The following LARP1B variants were observed in gnomAD, a reference collection of about 807,000 sequenced individuals.
LARP1B encodes the protein La ribonucleoprotein 1B, also known as la-related protein 1B.
A neutral mutation model predicts 114.2 loss-of-function variants in LARP1B; 76 were observed. That is an observed-to-expected ratio of 0.67 (90% CI 0.55 to 0.81). The LOEUF is 0.81. Ranked by LOEUF, LARP1B falls within the 30% of genes least tolerant of loss-of-function variation. LARP1B has a pLI of 0.00. For missense variants in LARP1B, 1,014 were observed against 1,075.8 expected, an observed-to-expected ratio of 0.94 and a Z score of 0.80; for synonymous variants, 345 against 348.0, an observed-to-expected ratio of 0.99 and a Z score of 0.10.
intron 18 of LARP1B, 94 bp downstream of exon 18, chr4:128,206,631 A>G (rs1476525572): frequency 4.7e-6 from 7 of 1,478,290 alleles, no homozygotes; most frequent in Non-Finnish European, 6.3e-6. Flanking sequence ...TTTTTTCTTC[A>G]GGGCAAACCA....
Position 128,080,484 on chromosome 4 carries a change from A to G in LARP1B, c.218-1681A>G, listed in dbSNP as rs150291214. Among the ~76,000 whole-genome samples, 125 of 152,194 alleles carry G rather than the reference A, an allele frequency of 8.2e-4. No individual in the cohort carries two copies. The Middle Eastern group carries it at 0.01, about 12-fold the overall frequency. ...ATTAAAAGCCTTTTTAGATGCATTT[A>G]TATTCACTTTTCCTCATTTGATCCA... On this transcript the variant is annotated intron_variant, in intron 4 of 19. Coordinates refer to ENST00000326639, the MANE Select transcript of LARP1B (RefSeq NM_018078.4).
At chr4:128,179,262 G>T in intron 14 of LARP1B, 144 bp from the exon 15 acceptor site, 1 of 459,976 alleles carries the variant, frequency 2.2e-6, no homozygotes, top group Non-Finnish European at 3.8e-6. Flanking sequence ...TGAGATTTTT[G>T]AGTTTTGTGA....
chr4:128,111,639 G>A (rs1784145310), intron 9 of LARP1B, among the ~76,000 whole-genome samples: 1 of 152,052 alleles, frequency 6.6e-6, no homozygotes, highest in Non-Finnish European at 1.5e-5. Context: ...GGAGTTTGAG[G>A]CTGTAGTGAG....
rs1755273234 is a variant in LARP1B at position 128,199,551 on chromosome 4, G to A, written c.2116G>A (p.Gly706Ser). The A allele has an allele frequency of 6.3e-7, 1 of 1,598,084 alleles. No homozygotes were observed. The highest frequency in any genetic ancestry group is 8.5e-7 in the Non-Finnish European group (1 of 1,171,444). ...HPSHELLKEN[G>S]FTQQVYHKYR... ...TTCTCATGAACTTTTGAAGGAAAAT[G>A]GCTTTACCCAACAAGTGTACCACAA... The change falls in exon 16 of 20, where the codon GGC (glycine) becomes AGC (serine). Residue 706 changes from glycine to serine, a missense_variant. Physicochemically the swap from Gly to Ser is moderately conservative, Grantham distance 56. Coordinates refer to ENST00000326639, the MANE Select transcript of LARP1B (RefSeq NM_018078.4).
At chr4:128,173,738 C>G (rs1561490140) in intron 12 of LARP1B, among the ~76,000 whole-genome samples, 1 of 152,190 alleles carries the variant, frequency 6.6e-6, no homozygotes, top group Admixed American at 6.5e-5. Flanking sequence ...ACATTTCTAA[C>G]AAGTTCCCAA....
intron 11 of LARP1B, among the ~76,000 whole-genome samples, chr4:128,143,796 G>GGTGTGT (rs72408437): frequency 1.6e-4 from 23 of 147,932 alleles, no homozygotes; most frequent in East Asian, 1.2e-3. Context: ...TAAGGCACAG[G>GGTGTGT]GTGTGTGTGT....
rs992424709 is a variant in LARP1B at position 128,137,795 on chromosome 4, T to A, written c.1524+15607T>A. On this transcript the variant is annotated intron_variant, in intron 11 of 19. Coordinates refer to ENST00000326639, the MANE Select transcript of LARP1B (RefSeq NM_018078.4). ...CATATATATATATATATATATATTT[T>A]TTTTTTAGGGGGGTTGGTGACAGAG... 9.9e-5 allele frequency among the ~76,000 whole-genome samples: 13 copies of A among 130,958 alleles called. No homozygotes were observed. The South Asian group carries it at 1.8e-3, about 18-fold the overall frequency. The allele number at this position is 130,958 out of a possible 152,430, so 85.9% of individuals were successfully genotyped here.
chr4:128,082,482 A>G (rs1770882367), intron 5 of LARP1B, among the ~76,000 whole-genome samples, 177 bp downstream of exon 5: 1 of 152,248 alleles, frequency 6.6e-6, no homozygotes. Context: ...TGCAATTAAC[A>G]ACAATGAAAC....
chr4:128,144,911 A>G (rs1355817829), intron 11 of LARP1B, among the ~76,000 whole-genome samples: 1 of 152,188 alleles, frequency 6.6e-6, no homozygotes. Context: ...GACATTTGAC[A>G]TTTGAGAGAT....
chr4:128,173,371 C>A (rs1425699463), intron 12 of LARP1B, among the ~76,000 whole-genome samples: 1 of 152,124 alleles, frequency 6.6e-6, no homozygotes, highest in Non-Finnish European at 1.5e-5. Flanking sequence ...GAAAAGTTTG[C>A]TGAGTTCTGC....
chr4:128,167,467 A>C (rs1741628471), intron 12 of LARP1B, among the ~76,000 whole-genome samples: 1 of 151,480 alleles, frequency 6.6e-6, no homozygotes, highest in Non-Finnish European at 1.5e-5. Flanking sequence ...TTTGGATATA[A>C]CTCCTAATCA....
intron 5 of LARP1B, among the ~76,000 whole-genome samples, chr4:128,089,037 G>A (rs1253681344): frequency 6.6e-6 from 1 of 152,094 alleles, no homozygotes; most frequent in Non-Finnish European, 1.5e-5. Flanking sequence ...CTAGGGTAAT[G>A]TTCTCAGTGA....
intron 15 of LARP1B, 43 bp downstream of exon 15, chr4:128,179,555 A>G: frequency 7.5e-7 from 1 of 1,327,812 alleles, no homozygotes; most frequent in Non-Finnish European, 1.0e-6. Flanking sequence ...CGTGATTTGA[A>G]GTTTTTTGAA....
At position 128,077,883 on chromosome 4, in the gene LARP1B, A is replaced by G; in HGVS notation, c.138A>G (p.Glu46=). Residue 46 remains glutamate, a synonymous_variant, in exon 4 of 20, where the codon GAA becomes GAG. Transcript: ENST00000326639. ...AGAGAAGTAACAGTGACAGCAAAGA[A>G]AACCGGGAAACAAAATTAAATGGTC... ...VEKRSNSDSK[E]NRETKLNGPG... is the part of the protein sequence containing the mutation. The G allele has an allele frequency of 5.6e-6, 9 of 1,613,728 alleles. No homozygotes were observed. The highest frequency in any genetic ancestry group is 7.6e-6 in the Non-Finnish European group (9 of 1,179,870).
At chr4:128,196,076 C>G (rs928806481) in intron 15 of LARP1B, among the ~76,000 whole-genome samples, 1 of 151,496 alleles carries the variant, frequency 6.6e-6, no homozygotes, top group African/African-American at 2.4e-5. Context: ...TATGGTGAAA[C>G]CCTGTCTCTA....
chr4:128,151,424 A>T (rs1460527779), intron 11 of LARP1B, among the ~76,000 whole-genome samples: 1 of 152,152 alleles, frequency 6.6e-6, no homozygotes, highest in Non-Finnish European at 1.5e-5. Flanking sequence ...AATTCCAGAC[A>T]GGAATCACAC....
intron 8 of LARP1B, among the ~76,000 whole-genome samples, chr4:128,101,284 G>A (rs1157927400): frequency 6.6e-6 from 1 of 151,426 alleles, no homozygotes; most frequent in Non-Finnish European, 1.5e-5. Flanking sequence ...CACCAGCTTG[G>A]TCAACATGGT....
At chr4:128,099,715 TACAC>T (rs61571039) in intron 8 of LARP1B, among the ~76,000 whole-genome samples, 10 of 151,204 alleles carry the variant, frequency 6.6e-5, no homozygotes, top group African/African-American at 1.5e-4. Flanking sequence ...GATATATATA[TACAC>T]ACACACACAC....
At chr4:128,156,114 G>A (rs977781759) in intron 11 of LARP1B, 1 of 1,609,702 alleles carries the variant, frequency 6.2e-7, no homozygotes, top group African/African-American at 1.3e-5. Flanking sequence ...GCACTCCTGA[G>A]CCCTGTGCCT....
Sources: allele counts gnomAD v4.1 joint callset (sites outside exome capture counted in the v4.1 genomes callset), GRCh38; gene constraint gnomAD v4.1.1; transcripts MANE v1.5; gene names NCBI Gene and HGNC (gene_info 2026-07-23, HGNC 2026-07-21).